The following DPYD variants were observed in gnomAD, a reference collection of about 807,000 sequenced individuals.
DPYD encodes dihydropyrimidine dehydrogenase.
DPYD carries 109 observed loss-of-function variants against 116.2 expected under a neutral mutation model. The ratio of observed to expected loss-of-function variants is 0.94; its 90% CI spans 0.80 to 1.10. DPYD has a LOEUF of 1.10. Among genes scored for constraint, DPYD ranks in the 50% least tolerant of loss-of-function variants. The pLI is 0.00. For synonymous variants in DPYD, 440 were observed against 432.0 expected (o/e 1.02, Z -0.23); for missense variants, 1,302 against 1,254.5 (o/e 1.04, Z -0.57).
intron 1 of DPYD, among the ~76,000 whole-genome samples, chr1:97,892,767 A>G (rs1672841543): frequency 6.6e-6 from 1 of 151,768 alleles, no homozygotes; most frequent in African/African-American, 2.4e-5. Context: ...CTTTATGCAC[A>G]GTGGGTAACT....
In DPYD at chr1:97,195,594, ATGTGTGTGTGTG is replaced by A. The variant is rs372624396; in HGVS notation, c.2443-2358_2443-2347del. Among the ~76,000 whole-genome samples the A allele has an allele frequency of 2.3e-4, 10 of 43,402 alleles. 1 individual carries two copies. The South Asian group carries it at 3.6e-3, about 15-fold the overall frequency. 28.5% of individuals were successfully genotyped at this position (43,402 alleles called of 152,430 possible). On this transcript the variant is annotated intron_variant, in intron 19 of 22. Coordinates refer to ENST00000370192, the MANE Select transcript of DPYD (RefSeq NM_000110.4). ...CATATATATATATATATATATATAT[ATGTGTGTGTGTG>A]TATATATATGTATGTGTATATGTAT...
intron 13 of DPYD, among the ~76,000 whole-genome samples, chr1:97,451,838 T>C (rs1334367474): frequency 6.6e-6 from 1 of 152,142 alleles, no homozygotes; most frequent in Non-Finnish European, 1.5e-5. Context: ...AGCCATACCC[T>C]TTAAACCTTG....
At chr1:97,719,731 C>T (rs1006607305) in intron 5 of DPYD, 1 of 984,440 alleles carries the variant, frequency 1.0e-6, no homozygotes, top group African/African-American at 1.8e-5. Flanking sequence ...AATCGGCCAA[C>T]CCAAAAAAAA....
intron 20 of DPYD, among the ~76,000 whole-genome samples, chr1:97,155,748 T>C (rs1218232911): frequency 6.6e-6 from 1 of 152,190 alleles, no homozygotes; most frequent in East Asian, 1.9e-4. Flanking sequence ...TTTCTGAGAA[T>C]TGAAAGTAGT....
rs377148075 is a variant in DPYD, at chr1:97,538,604, T to C, written c.1524+10956A>G. Among the ~76,000 whole-genome samples, 4 of 152,326 alleles carry C rather than the reference T, an allele frequency of 2.6e-5. No individual in the cohort carries two copies. In the East Asian group the frequency reaches 7.7e-4, roughly 29 times the overall value. ...TGCAAGACATCTATGATAGTTCTCA[T>C]GAACCTAATAAACACCTATTTCAAA... On this transcript the variant is annotated intron_variant, in intron 12 of 22. Coordinates refer to ENST00000370192, the MANE Select transcript of DPYD (RefSeq NM_000110.4).
At chr1:97,656,863 T>A (rs1658938135) in intron 8 of DPYD, among the ~76,000 whole-genome samples, 1 of 152,002 alleles carries the variant, frequency 6.6e-6, no homozygotes, top group African/African-American at 2.4e-5. Context: ...GAGATCTATT[T>A]CCAGGTGTGA....
chr1:97,792,912 CAT>C (rs1466802123), intron 3 of DPYD, among the ~76,000 whole-genome samples: 1 of 152,096 alleles, frequency 6.6e-6, no homozygotes, highest in Non-Finnish European at 1.5e-5. Flanking sequence ...CCTCAGAAGA[CAT>C]AACACGTAAA....
intron 2 of DPYD, chr1:97,855,681 T>C (rs1670801043): frequency 6.6e-6 from 1 of 152,216 alleles, no homozygotes. Context: ...ACAATTCACG[T>C]AGCTGCAACC....
intron 13 of DPYD, among the ~76,000 whole-genome samples, chr1:97,455,085 A>G (rs1676608922): frequency 6.6e-6 from 1 of 151,936 alleles, no homozygotes; most frequent in African/African-American, 2.4e-5. Flanking sequence ...TAAGGTAACA[A>G]CTAAAAATAA....
chr1:97,713,934 T>C (rs1662445648), intron 5 of DPYD, among the ~76,000 whole-genome samples: 1 of 152,236 alleles, frequency 6.6e-6, no homozygotes, highest in African/African-American at 2.4e-5. Flanking sequence ...AAATATAGTT[T>C]AATCTATATC....
At position 97,679,198 on chromosome 1, in the gene DPYD, T is replaced by A. The variant is rs756206349; in HGVS notation, c.763-16A>T. 2 of 1,424,940 alleles carry A rather than the reference T, an allele frequency of 1.4e-6. No individual in the cohort carries two copies. Among genetic ancestry groups the A allele is most frequent in the South Asian group, 2.5e-5 (2 of 79,766 alleles). 88.3% of individuals were successfully genotyped at this position (1,424,940 alleles called of 1,614,324 possible). On this transcript the variant is annotated splice_polypyrimidine_tract_variant and intron_variant, in intron 7 of 22. Coordinates refer to ENST00000370192, the MANE Select transcript of DPYD (RefSeq NM_000110.4). ...CGCAAATTATCTATAAGAAACAATA[T>A]TTTGCATAAGAAAATTTGGCATATG...
chr1:97,287,258 A>C (rs1665757946), intron 18 of DPYD, among the ~76,000 whole-genome samples: 1 of 152,118 alleles, frequency 6.6e-6, no homozygotes, highest in Non-Finnish European at 1.5e-5. Context: ...ATGAACCACG[A>C]ATGCTGCTGT....
intron 16 of DPYD, among the ~76,000 whole-genome samples, chr1:97,313,741 A>T (rs1667651473): frequency 6.6e-6 from 1 of 151,896 alleles, no homozygotes; most frequent in Non-Finnish European, 1.5e-5. Flanking sequence ...CATAGGATGG[A>T]TTAGTAAATG....
At chr1:97,723,491 T>G (rs762460491) in intron 4 of DPYD, among the ~76,000 whole-genome samples, 1 of 151,380 alleles carries the variant, frequency 6.6e-6, no homozygotes, top group Non-Finnish European at 1.5e-5. Context: ...AAAAGTTCTT[T>G]TCAATATAAG....
chr1:97,907,736 C>T (rs962336672), intron 1 of DPYD, among the ~76,000 whole-genome samples: 3 of 151,860 alleles, frequency 2.0e-5, no homozygotes, highest in Admixed American at 2.0e-4. Flanking sequence ...TCTTTCCTTC[C>T]TTCCTTTCTT....
At chr1:97,715,888 C>T (rs904653902) in intron 5 of DPYD, among the ~76,000 whole-genome samples, 2 of 152,022 alleles carry the variant, frequency 1.3e-5, no homozygotes, top group African/African-American at 2.4e-5. Context: ...CATTAGAATA[C>T]ATATGTCTAT....
At chr1:97,827,609 C>A (rs2101477471) in intron 3 of DPYD, among the ~76,000 whole-genome samples, 1 of 151,870 alleles carries the variant, frequency 6.6e-6, no homozygotes, top group East Asian at 1.9e-4. Flanking sequence ...TTATAGACCA[C>A]TATAGTTGAA....
chr1:97,817,302 T>C (rs1283335481), intron 3 of DPYD, among the ~76,000 whole-genome samples: 1 of 152,108 alleles, frequency 6.6e-6, no homozygotes, highest in African/African-American at 2.4e-5. Flanking sequence ...TAAAAACAAC[T>C]TGTCAGAATG....
intron 8 of DPYD, among the ~76,000 whole-genome samples, chr1:97,644,741 A>G (rs1571118843): frequency 6.6e-6 from 1 of 151,760 alleles, no homozygotes; most frequent in East Asian, 1.9e-4. Context: ...TACAGGCATG[A>G]GCCACCGCAC....
Sources: gnomAD v4.1 joint callset for allele counts (sites outside exome capture counted in the v4.1 genomes callset) on GRCh38, gnomAD v4.1.1 for gene constraint, MANE v1.5 for transcripts, NCBI Gene and HGNC (gene_info 2026-07-23, HGNC 2026-07-21) for gene names.